The following PDGFC variants were observed in gnomAD, a reference collection of about 807,000 sequenced individuals.
PDGFC encodes platelet derived growth factor C.
PDGFC carries 12 observed loss-of-function variants against 35.5 expected under a neutral mutation model. That is an observed-to-expected ratio of 0.34 (90% confidence interval 0.22 to 0.55). The LOEUF is 0.55. Among genes scored for constraint, PDGFC ranks in the 20% least tolerant of loss-of-function variants. PDGFC has a pLI of 0.91. For synonymous variants in PDGFC, 159 were observed against 148.8 expected (o/e 1.07, Z -0.50); for missense variants, 322 against 412.4 (o/e 0.78, Z 1.90).
intron 3 of PDGFC, among the ~76,000 whole-genome samples, chr4:156,787,092 A>G (rs1731149040): frequency 6.6e-6 from 1 of 152,212 alleles, no homozygotes; most frequent in Non-Finnish European, 1.5e-5. Context: ...ATGAGACTGG[A>G]CAAGATTGTC....
At chr4:156,945,541 C>G (rs984276372) in intron 1 of PDGFC, among the ~76,000 whole-genome samples, 12 of 151,432 alleles carry the variant, frequency 7.9e-5, no homozygotes, top group African/African-American at 2.2e-4. Context: ...TTTCCCAAAG[C>G]AGGGGGGCAA....
intron 3 of PDGFC, among the ~76,000 whole-genome samples, chr4:156,797,047 C>T (rs1393775083): frequency 6.6e-6 from 1 of 151,848 alleles, no homozygotes; most frequent in Non-Finnish European, 1.5e-5. Context: ...ACCATCTTGG[C>T]TAACACGGTG....
chr4:156,958,827 C>A (rs1249217156), intron 1 of PDGFC, among the ~76,000 whole-genome samples: 1 of 152,070 alleles, frequency 6.6e-6, no homozygotes, highest in East Asian at 1.9e-4. Context: ...CTGCTAAAAG[C>A]AAGATAACTT....
intron 2 of PDGFC, among the ~76,000 whole-genome samples, chr4:156,842,635 T>C (rs1379975837): frequency 6.6e-6 from 1 of 152,132 alleles, no homozygotes; most frequent in African/African-American, 2.4e-5. Context: ...CTCAGCTTAG[T>C]AGTCAAGGTT....
At chr4:156,962,045 C>A (rs1376977112) in intron 1 of PDGFC, among the ~76,000 whole-genome samples, 1 of 152,108 alleles carries the variant, frequency 6.6e-6, no homozygotes, top group Non-Finnish European at 1.5e-5. Context: ...TGCCTGCCTG[C>A]TGAGAAAGGA....
rs147416741 is a variant in PDGFC, at chr4:156,840,179, G to A, written c.314+10042C>T. 3.6e-4 allele frequency among the ~76,000 whole-genome samples: 55 copies of A among 152,254 alleles called. No individual in the cohort carries two copies. In the East Asian group the frequency reaches 7.2e-3, roughly 20 times the overall value. The stretch of plus-strand genomic sequence containing the variant: ...TCTCCAGGGAATGTCACAGACCTTC[G>A]CAGCAGCCCTCCCATCACAGGCATG... On this transcript the variant is annotated intron_variant, in intron 2 of 5. Transcript: ENST00000502773.
intron 1 of PDGFC, among the ~76,000 whole-genome samples, chr4:156,943,824 A>G (rs1731872844): frequency 6.6e-6 from 1 of 152,144 alleles, no homozygotes; most frequent in Non-Finnish European, 1.5e-5. Flanking sequence ...ATGTAACTAA[A>G]AAGTGAATAA....
intron 2 of PDGFC, among the ~76,000 whole-genome samples, chr4:156,814,625 G>T (rs1035431046): frequency 6.6e-6 from 1 of 151,964 alleles, no homozygotes; most frequent in Non-Finnish European, 1.5e-5. Flanking sequence ...AAAGAGAAAA[G>T]AATATTCTCT....
Position 156,850,383 on chromosome 4 carries a change from G to A in PDGFC, c.152C>T (p.Thr51Ile). Residue 51 changes from threonine to isoleucine, a missense_variant, in exon 2 of 6, where the codon ACT becomes ATT. Around this residue, in one of 2 missense-constraint regions of PDGFC, gnomAD observed 120 missense variants for 116.6 expected, o/e 1.03. Transcript: ENST00000502773. ...VQDPQHERII[T>I]VSTNGSIHSP... ...GTGAATACTTCCATTAGTAGACACAGTAATAATTCTCTCATGCTGAGGATC... is the reference window on the plus strand; with the variant it reads ...GTGAATACTTCCATTAGTAGACACAATAATAATTCTCTCATGCTGAGGATC... The A allele has an allele frequency of 1.3e-6, 2 of 1,599,484 alleles. No individual in the cohort carries two copies. The highest frequency in any genetic ancestry group is 1.7e-5 in the Admixed American group (1 of 58,110).
intron 1 of PDGFC, among the ~76,000 whole-genome samples, chr4:156,938,949 C>T (rs1731744686): frequency 6.6e-6 from 1 of 151,808 alleles, no homozygotes; most frequent in Admixed American, 6.6e-5. Flanking sequence ...ACCAAATTCA[C>T]TTGGAGTAAA....
chr4:156,862,879 G>A (rs1333705128), intron 1 of PDGFC, among the ~76,000 whole-genome samples: 3 of 151,982 alleles, frequency 2.0e-5, no homozygotes, highest in Admixed American at 6.6e-5. Context: ...AGTTTTAGTA[G>A]AGACGGGGTA....
intron 1 of PDGFC, among the ~76,000 whole-genome samples, chr4:156,925,804 G>A (rs1419629405): frequency 5.3e-5 from 8 of 150,782 alleles, no homozygotes; most frequent in Admixed American, 1.3e-4. Flanking sequence ...TAACTCCAAC[G>A]CTTTGGGAGG....
intron 2 of PDGFC, among the ~76,000 whole-genome samples, chr4:156,820,401 C>G (rs952138385): frequency 1.3e-5 from 2 of 152,150 alleles, no homozygotes; most frequent in Non-Finnish European, 2.9e-5. Flanking sequence ...CCACTCAAAC[C>G]TTCAATAAGC....
intron 2 of PDGFC, among the ~76,000 whole-genome samples, chr4:156,834,521 C>T (rs150235298): frequency 2.7e-3 from 409 of 152,184 alleles, no homozygotes; most frequent in South Asian, 4.8e-3. Flanking sequence ...AAGTGACAGA[C>T]TGAGATGGAG....
At chr4:156,824,411 T>TAC (rs904373000) in intron 2 of PDGFC, among the ~76,000 whole-genome samples, 2 of 149,878 alleles carry the variant, frequency 1.3e-5, no homozygotes, top group Non-Finnish European at 3.0e-5. Flanking sequence ...CACACATATA[T>TAC]ACACACACAC....
chr4:156,796,420 T>G, intron 3 of PDGFC, among the ~76,000 whole-genome samples: 1 of 151,978 alleles, frequency 6.6e-6, no homozygotes, highest in South Asian at 2.1e-4. Context: ...GGTTGTGGTA[T>G]ACTATTATAT....
chr4:156,821,784 A>C (rs961457497), intron 2 of PDGFC, among the ~76,000 whole-genome samples: 1 of 152,074 alleles, frequency 6.6e-6, no homozygotes, highest in African/African-American at 2.4e-5. Flanking sequence ...TCCCGGCCTC[A>C]ACTGATCCCC....
intron 1 of PDGFC, among the ~76,000 whole-genome samples, chr4:156,931,009 A>G (rs780398246): frequency 6.6e-6 from 1 of 152,144 alleles, no homozygotes; most frequent in Non-Finnish European, 1.5e-5. Flanking sequence ...CCATAACTGT[A>G]TTTTAACTTC....
chr4:156,824,327 TACACACACAC>T (rs1204930651), intron 2 of PDGFC, among the ~76,000 whole-genome samples: 15 of 102,836 alleles, frequency 1.5e-4, no homozygotes, highest in African/African-American at 6.8e-4. Context: ...TATATATATA[TACACACACAC>T]ACACACACAC....
Sources: gnomAD v4.1 joint callset for allele counts (sites outside exome capture counted in the v4.1 genomes callset) on GRCh38, gnomAD v4.1.1 for gene constraint, gnomAD v4.1.1 regional missense constraint, MANE v1.5 for transcripts, NCBI Gene and HGNC (gene_info 2026-07-23, HGNC 2026-07-21) for gene names.